C2orf49: variants seen among roughly 807,000 people sequenced by gnomAD.
The protein encoded by C2orf49 is tRNA splicing ligase complex subunit 2.
A neutral mutation model predicts 20.6 loss-of-function variants in C2orf49; 11 were observed. That is an observed-to-expected ratio of 0.53 (90% CI 0.34 to 0.88). The LOEUF is 0.88. Ranked by LOEUF, C2orf49 falls within the 40% of genes least tolerant of loss-of-function variation. C2orf49 has a pLI of 0.02. For missense variants in C2orf49, 289 were observed against 274.2 expected (o/e 1.05, Z -0.38); for synonymous variants, 134 against 108.5 (o/e 1.24, Z -1.46).
In C2orf49 at chr2:105,348,907, C is replaced by T. The variant is rs991733437; in HGVS notation, c.*3536C>T. On this transcript the variant is annotated 3_prime_UTR_variant, in exon 4 of 4. Coordinates refer to ENST00000258457, the MANE Select transcript of C2orf49 (RefSeq NM_024093.3). ...GGATTGATTAAGATCAGATGTGATT[C>T]GAGTAGTCCAGCCATATCTTGTAGC... 3 of 152,088 alleles carry T rather than the reference C, an allele frequency of 2.0e-5. No homozygotes were observed. In the East Asian group the frequency reaches 5.8e-4, roughly 29 times the overall value. The allele number at this position is 152,088 out of a possible 1,614,324, so 9.4% of individuals were successfully genotyped here.
chr2:105,366,152 G>A, the C2orf49 span, among the ~76,000 whole-genome samples: 3 of 152,070 alleles, frequency 2.0e-5, no homozygotes, highest in Admixed American at 6.5e-5. Context: ...GGAGGTTGCA[G>A]TGAGCCAAGA....
chr2:105,364,794 T>C, the C2orf49 span, among the ~76,000 whole-genome samples: 3 of 152,354 alleles, frequency 2.0e-5, no homozygotes, highest in Admixed American at 1.3e-4. Context: ...CTTAATTTTA[T>C]GGATGAGTAA....
chr2:105,338,881 C>T (rs2104443593), intron 1 of C2orf49, among the ~76,000 whole-genome samples: 1 of 152,238 alleles, frequency 6.6e-6, no homozygotes, highest in East Asian at 1.9e-4. Context: ...GTCTTCATGA[C>T]TACTCCTGTG....
At chr2:105,356,090 A>G in the C2orf49 span, among the ~76,000 whole-genome samples, 1 of 152,048 alleles carries the variant, frequency 6.6e-6, no homozygotes, top group Non-Finnish European at 1.5e-5. Context: ...TACAAAAAAA[A>G]TTTTAAAAAT....
At chr2:105,379,740 C>A in the C2orf49 span, among the ~76,000 whole-genome samples, 2 of 152,192 alleles carry the variant, frequency 1.3e-5, no homozygotes, top group South Asian at 4.1e-4. Flanking sequence ...TGCCTTTGAC[C>A]ATACTCTGTC....
intron 2 of C2orf49, among the ~76,000 whole-genome samples, chr2:105,340,545 A>G (rs1679639836): frequency 6.6e-6 from 1 of 152,238 alleles, no homozygotes; most frequent in African/African-American, 2.4e-5. Context: ...AATTTTGAGG[A>G]AAAAGTCAAG....
the C2orf49 span, among the ~76,000 whole-genome samples, chr2:105,369,690 T>C: frequency 2.6e-5 from 4 of 152,232 alleles, no homozygotes; most frequent in Non-Finnish European, 4.4e-5. Flanking sequence ...TTCTTCAACC[T>C]CCATGCATAC....
At chr2:105,365,978 G>T in the C2orf49 span, among the ~76,000 whole-genome samples, 1 of 152,146 alleles carries the variant, frequency 6.6e-6, no homozygotes, top group African/African-American at 2.4e-5. Flanking sequence ...GTGGAGGCAG[G>T]TCGATCACCT....
At chr2:105,369,010 G>A in the C2orf49 span, among the ~76,000 whole-genome samples, 2 of 152,200 alleles carry the variant, frequency 1.3e-5, no homozygotes, top group African/African-American at 2.4e-5. Flanking sequence ...GCCGAGTAGT[G>A]TGCAGCTGTG....
Position 105,339,617 on chromosome 2 carries a change from A to G in C2orf49, c.134A>G (p.Asn45Ser), listed in dbSNP as rs1359355956. The G allele has an allele frequency of 6.2e-7, 1 of 1,601,496 alleles. No individual in the cohort carries two copies. Among genetic ancestry groups the G allele is most frequent in the Non-Finnish European group, 8.5e-7 (1 of 1,177,334 alleles). The change falls in exon 2 of 4, where the codon AAC becomes AGC. Residue 45 changes from asparagine (N) to serine (S), a missense_variant. Physicochemically the swap from Asn to Ser is conservative, Grantham distance 46. Coordinates refer to ENST00000258457, the MANE Select transcript of C2orf49 (RefSeq NM_024093.3). ...GCTGTTGAAACTGATGTAAGAGTAA[A>G]CAAAGACAGTCTTACTGACCTTTAT... ...NIAVETDVRV[N>S]KDSLTDLYVQ...
At chr2:105,371,303 G>A in the C2orf49 span, among the ~76,000 whole-genome samples, 6 of 152,108 alleles carry the variant, frequency 3.9e-5, no homozygotes, top group African/African-American at 9.7e-5. Context: ...TATCAGGGCC[G>A]GGCTTCATCT....
rs1354242351 is a variant in C2orf49, at chr2:105,346,709, T to G, written c.*1338T>G. 2.0e-5 allele frequency: 3 copies of G among 152,210 alleles called. No individual in the cohort carries two copies. Among genetic ancestry groups the G allele is most frequent in the Non-Finnish European group, 2.9e-5 (2 of 68,044 alleles). The allele number at this position is 152,210 out of a possible 1,614,324, so 9.4% of individuals were successfully genotyped here. On this transcript the variant is annotated 3_prime_UTR_variant, in exon 4 of 4. Transcript: ENST00000258457. The stretch of plus-strand genomic sequence containing the variant: ...CAGAGTGCAACATAGGAAGATGGAC[T>G]CCTAGCTTACATGAGATTCCCTGCA...
the C2orf49 span, among the ~76,000 whole-genome samples, chr2:105,372,662 G>A: frequency 2.6e-5 from 4 of 152,032 alleles, no homozygotes; most frequent in African/African-American, 9.7e-5. Context: ...GGTGGTGCAC[G>A]CCTGTAGTCT....
chr2:105,368,357 G>A, the C2orf49 span, among the ~76,000 whole-genome samples: 1 of 151,890 alleles, frequency 6.6e-6, no homozygotes, highest in African/African-American at 2.4e-5. Flanking sequence ...TTCGAGACAG[G>A]GTCTCACTCT....
chr2:105,368,984 G>T, the C2orf49 span, among the ~76,000 whole-genome samples: 6 of 152,200 alleles, frequency 3.9e-5, no homozygotes, highest in African/African-American at 1.4e-4. Context: ...GTTTACATCC[G>T]CTTTTAAGCT....
intron 2 of C2orf49, 27 bp downstream of exon 2, chr2:105,339,776 A>G (rs1485030919): frequency 3.9e-6 from 6 of 1,537,776 alleles, no homozygotes; most frequent in South Asian, 1.3e-5. Context: ...CTAGCTTTCA[A>G]TTTATCTTAT....
the C2orf49 span, chr2:105,360,884 G>A: frequency 2.5e-5 from 4 of 158,194 alleles, no homozygotes; most frequent in African/African-American, 4.8e-5. Context: ...TTGACGCAAC[G>A]GGAGGTTACA....
rs1421048296 is a variant in C2orf49 at position 105,339,650 on chromosome 2, A to G, written c.167A>G (p.His56Arg). Reference sequence around the variant, plus strand: ...AGTCTTACTGACCTTTATGTCCAACATGCAATACCATTGCCTCAGAGGGAT... The same window carrying G: ...AGTCTTACTGACCTTTATGTCCAACGTGCAATACCATTGCCTCAGAGGGAT... Reference protein sequence around the residue: ...KDSLTDLYVQHAIPLPQRDLP... With the variant: ...KDSLTDLYVQRAIPLPQRDLP... The change falls in exon 2 of 4, where the codon CAT (histidine) becomes CGT (arginine). Residue 56 changes from histidine (H) to arginine (R), a missense_variant. Coordinates refer to ENST00000258457, the MANE Select transcript of C2orf49 (RefSeq NM_024093.3). 1.2e-6 allele frequency: 2 copies of G among 1,609,484 alleles called. No homozygotes were observed. Among genetic ancestry groups the G allele is most frequent in the African/African-American group, 1.3e-5 (1 of 74,690 alleles).
At chr2:105,343,293 G>T in intron 3 of C2orf49, 70 bp downstream of exon 3, 2 of 1,471,374 alleles carry the variant, frequency 1.4e-6, no homozygotes, top group African/African-American at 1.4e-5. Context: ...CCTCATGACG[G>T]GAGGTGGGTC....
Sources: gnomAD v4.1 joint callset for allele counts (sites outside exome capture counted in the v4.1 genomes callset) on GRCh38, gnomAD v4.1.1 for gene constraint, MANE v1.5 for transcripts, NCBI Gene and HGNC (gene_info 2026-07-23, HGNC 2026-07-21) for gene names.